The following HPSE2 variants were observed in gnomAD, a reference collection of about 807,000 sequenced individuals.
HPSE2 encodes heparanase 2 (inactive).
Under a neutral mutation model 60.5 loss-of-function variants are expected in HPSE2, and 38 were observed. That is an observed-to-expected ratio of 0.63 (90% CI 0.48 to 0.82). The LOEUF (loss-of-function observed/expected upper bound fraction) is 0.82, where lower values mean the gene tolerates loss of function less well. Among genes scored for constraint, HPSE2 ranks in the 40% least tolerant of loss-of-function variants. The pLI is 0.00. For synonymous variants in HPSE2, 295 were observed against 293.2 expected, an observed-to-expected ratio of 1.01 and a Z score of -0.06; for missense variants, 713 against 740.4, an observed-to-expected ratio of 0.96 and a Z score of 0.43.
rs540461324 is a variant in HPSE2 at position 98,858,305 on chromosome 10, C to T, written c.611-114249G>A. Reference sequence around the variant, plus strand: ...GACCTTGATAGTTTGAAATAGAATACGTGTTGGCAATTAGCAGCCTGTTAA... The same window carrying T: ...GACCTTGATAGTTTGAAATAGAATATGTGTTGGCAATTAGCAGCCTGTTAA... On this transcript the variant is annotated intron_variant, in intron 3 of 11. Coordinates refer to ENST00000370552, the MANE Select transcript of HPSE2 (RefSeq NM_021828.5). Among the ~76,000 whole-genome samples the T allele has an allele frequency of 1.2e-3, 181 of 152,246 alleles. 2 individuals carry two copies. Among genetic ancestry groups the T allele is most frequent in the African/African-American group, 4.1e-3 (171 of 41,556 alleles).
chr10:98,651,767 T>C (rs1946921828), intron 6 of HPSE2, among the ~76,000 whole-genome samples: 1 of 149,766 alleles, frequency 6.7e-6, no homozygotes, highest in Non-Finnish European at 1.5e-5. Context: ...TTTAAAGAAC[T>C]AGTTCCTTTT....
intron 6 of HPSE2, among the ~76,000 whole-genome samples, chr10:98,667,214 A>C (rs538813177): frequency 1.6e-4 from 24 of 152,284 alleles, no homozygotes; most frequent in Non-Finnish European, 3.5e-4. Flanking sequence ...ACAACCTCTC[A>C]AGATTGAACC....
chr10:99,076,663 C>G lies in HPSE2; in HGVS notation c.610+67575G>C, dbSNP rs149406302. Among the ~76,000 whole-genome samples the G allele has an allele frequency of 4.7e-4, 72 of 152,278 alleles. 2 individuals are homozygous for G. Among genetic ancestry groups the G allele is most frequent in the Non-Finnish European group, 1.0e-4 (7 of 68,018 alleles). On this transcript the variant is annotated intron_variant, in intron 3 of 11. Coordinates refer to ENST00000370552, the MANE Select transcript of HPSE2 (RefSeq NM_021828.5). ...TCGGCTTCCCAAAGTACTGGGATTA[C>G]AGGTGTGAGCCTCCATGCCTGACTC...
At chr10:98,942,334 GACAAAGGGCTAATATCCAGAATCTA>G (rs1955033946) in intron 3 of HPSE2, among the ~76,000 whole-genome samples, 1 of 143,608 alleles carries the variant, frequency 7.0e-6, no homozygotes, top group Non-Finnish European at 1.5e-5. Flanking sequence ...CTACTCATCT[GACAAAGGGCTAATATCCAGAATCTA>G]CAATGAACTC....
chr10:98,960,569 G>A (rs1325616841), intron 3 of HPSE2, among the ~76,000 whole-genome samples: 1 of 151,816 alleles, frequency 6.6e-6, no homozygotes, highest in Non-Finnish European at 1.5e-5. Context: ...GAAAACGGAA[G>A]TTTAAACTGT....
chr10:99,239,000 A>G (rs766339083), upstream of HPSE2, among the ~76,000 whole-genome samples: 3 of 152,012 alleles, frequency 2.0e-5, no homozygotes, highest in Non-Finnish European at 2.9e-5. Context: ...CTCTACTAAA[A>G]ATATAAAAAT....
chr10:99,047,577 G>T, intron 3 of HPSE2: 1 of 583,734 alleles, frequency 1.7e-6, no homozygotes, highest in South Asian at 2.2e-5. Flanking sequence ...ATATGCCAAG[G>T]TCTAATAGCC....
intron 3 of HPSE2, among the ~76,000 whole-genome samples, chr10:98,791,133 G>T (rs1300154113): frequency 1.3e-5 from 2 of 152,092 alleles, no homozygotes; most frequent in East Asian, 1.9e-4. Context: ...ACAACTTATA[G>T]CATTGTGTTT....
intron 2 of HPSE2, among the ~76,000 whole-genome samples, chr10:99,228,562 G>A (rs991129266): frequency 1.4e-4 from 22 of 152,068 alleles, no homozygotes; most frequent in African/African-American, 5.1e-4. Flanking sequence ...GTTGAGAGCA[G>A]GTAAAGCATA....
chr10:99,123,601 T>G (rs1286958900), intron 3 of HPSE2, among the ~76,000 whole-genome samples: 1 of 152,150 alleles, frequency 6.6e-6, no homozygotes, highest in East Asian at 1.9e-4. Context: ...GTCCCACCAT[T>G]GAGTTCTTGT....
intron 3 of HPSE2, among the ~76,000 whole-genome samples, chr10:98,898,052 G>A (rs1355428504): frequency 2.6e-5 from 4 of 151,992 alleles, no homozygotes; most frequent in African/African-American, 4.8e-5. Flanking sequence ...AACAGACACC[G>A]TATCAAAGAA....
intron 3 of HPSE2, among the ~76,000 whole-genome samples, chr10:98,853,648 A>G (rs377080564): frequency 2.0e-5 from 3 of 152,128 alleles, no homozygotes; most frequent in East Asian, 3.9e-4. Context: ...ATGAATCCCA[A>G]CTGCCCACTG....
intron 3 of HPSE2, among the ~76,000 whole-genome samples, chr10:98,838,029 A>G (rs973713783): frequency 6.6e-6 from 1 of 152,174 alleles, no homozygotes; most frequent in Non-Finnish European, 1.5e-5. Flanking sequence ...TGCTTGAAAT[A>G]TTTAGAAAAG....
chr10:99,145,151 A>G (rs1846002279), intron 2 of HPSE2, among the ~76,000 whole-genome samples: 3 of 152,182 alleles, frequency 2.0e-5, no homozygotes, highest in African/African-American at 7.2e-5. Flanking sequence ...TTCCTCAAAA[A>G]GAAAAATTCA....
intron 3 of HPSE2, among the ~76,000 whole-genome samples, chr10:98,878,680 G>A (rs998247259): frequency 6.6e-6 from 1 of 151,910 alleles, no homozygotes; most frequent in Non-Finnish European, 1.5e-5. Context: ...CAGGTTATAG[G>A]CCATGTTAAG....
chr10:98,721,509 G>A (rs1023896525), intron 5 of HPSE2, 148 bp downstream of exon 5: 15 of 709,766 alleles, frequency 2.1e-5, no homozygotes, highest in Non-Finnish European at 3.5e-5. Flanking sequence ...CTCTGTCTTA[G>A]AGTGGGTGAA....
At chr10:98,800,374 A>T (rs2095596) in intron 3 of HPSE2, among the ~76,000 whole-genome samples, 17,285 of 148,266 alleles carry the variant, frequency 0.12, 2,556 homozygotes, top group African/African-American at 0.34. Context: ...TCTCAAAAAA[A>T]ATATATAAAA....
Position 98,558,273 on chromosome 10 carries a change from CA to C in HPSE2, c.1320+56630del, listed in dbSNP as rs1589418918. 2.6e-5 allele frequency among the ~76,000 whole-genome samples: 4 copies of C among 152,188 alleles called. No individual in the cohort carries two copies. In the East Asian group the frequency reaches 7.7e-4, roughly 29 times the overall value. On this transcript the variant is annotated intron_variant, in intron 9 of 11. Transcript: ENST00000370552. Reference sequence around the variant, plus strand: ...GCTACTCCATCCCTAGGTATACATCCAATAGAAATGTACGTATATGTTTACT... The same window carrying C: ...GCTACTCCATCCCTAGGTATACATCCATAGAAATGTACGTATATGTTTACT...
chr10:99,081,187 C>T (rs944860384), intron 3 of HPSE2, among the ~76,000 whole-genome samples: 1 of 152,196 alleles, frequency 6.6e-6, no homozygotes, highest in Non-Finnish European at 1.5e-5. Flanking sequence ...GTTAAATTTG[C>T]ACAGCATTTC....
Sources: allele counts gnomAD v4.1 joint callset (sites outside exome capture counted in the v4.1 genomes callset), GRCh38; gene constraint gnomAD v4.1.1; transcripts MANE v1.5; gene names NCBI Gene and HGNC (gene_info 2026-07-23, HGNC 2026-07-21).